CEP44: variants seen among roughly 807,000 people sequenced by gnomAD.
CEP44 encodes centrosomal protein 44.
Under a neutral mutation model 46.7 loss-of-function variants are expected in CEP44, and 45 were observed. That is an observed-to-expected ratio of 0.96 (90% CI 0.76 to 1.24). The LOEUF is 1.24. CEP44 is among the 50% of genes most tolerant of loss of function. CEP44 has a pLI of 0.00. For synonymous variants in CEP44, 142 were observed against 146.0 expected, an observed-to-expected ratio of 0.97 and a Z score of 0.20; for missense variants, 475 against 459.7, an observed-to-expected ratio of 1.03 and a Z score of -0.30.
intron 1 of CEP44, among the ~76,000 whole-genome samples, chr4:174,294,799 G>GGC (rs1738703542): frequency 7.0e-6 from 1 of 142,890 alleles, no homozygotes; most frequent in Non-Finnish European, 1.6e-5. Flanking sequence ...CTGGCCGGGT[G>GGC]GGGGGCTGAC....
rs1376897519 is a variant in CEP44, at chr4:174,331,918, T to G, written c.*323T>G. 2 of 232,888 alleles carry G rather than the reference T, an allele frequency of 8.6e-6. No homozygotes were observed. The highest frequency in any genetic ancestry group is 1.5e-4 in the South Asian group (1 of 6,472). 14.4% of individuals were successfully genotyped at this position (232,888 alleles called of 1,614,324 possible). ...GTGGAAGGTGAGAAAACACATGCTT[T>G]CTTAAAACAGAAGCTCTCTCCTTCA... On this transcript the variant is annotated 3_prime_UTR_variant, in exon 9 of 9. Transcript: ENST00000426172. The surrounding 1 kb of genome is among the most constrained non-coding windows in gnomAD (Gnocchi z 4.5).
chr4:174,310,489 G>C lies in CEP44; in HGVS notation c.886-294G>C, dbSNP rs528472086. Among the ~76,000 whole-genome samples the C allele has an allele frequency of 1.5e-3, 235 of 151,830 alleles. 1 individual carries two copies. The highest frequency in any genetic ancestry group is 5.3e-3 in the African/African-American group (219 of 41,460). ...TGTGAATTTCATAGAATAGTTACCA[G>C]ATTTACCATTGCCTTATCAAATCTG... On this transcript the variant is annotated intron_variant, in intron 8 of 11. Coordinates refer to ENST00000503780, the MANE Select transcript of CEP44 (RefSeq NM_001040157.3). The surrounding 1 kb of genome is among the most constrained non-coding windows in gnomAD (Gnocchi z 4.2).
intron 1 of CEP44, among the ~76,000 whole-genome samples, chr4:174,289,796 C>G (rs940365795): frequency 2.0e-5 from 3 of 149,160 alleles, no homozygotes; most frequent in Non-Finnish European, 4.5e-5. Context: ...TGTTCTTTTT[C>G]TAGTTCCTTG....
downstream of CEP44, among the ~76,000 whole-genome samples, chr4:174,320,684 C>CTGTGTGTGTGTGTGTA (rs1742236794): frequency 4.1e-5 from 6 of 147,412 alleles, no homozygotes; most frequent in Non-Finnish European, 7.5e-5. Flanking sequence ...TGAGTGTGCT[C>CTGTGTGTGTGTGTGTA]TGTGTGTGTG....
intron 11 of CEP44, among the ~76,000 whole-genome samples, chr4:174,316,992 T>A (rs1741805172): frequency 1.3e-5 from 2 of 151,908 alleles, no homozygotes; most frequent in African/African-American, 4.8e-5. Flanking sequence ...AAAAATGATG[T>A]TTTTGTCTAG....
intron 3 of CEP44, 41 bp downstream of exon 3, chr4:174,299,251 G>A (rs759244784): frequency 5.1e-5 from 78 of 1,517,036 alleles, no homozygotes; most frequent in Admixed American, 4.4e-4. Context: ...CTTCTTGCTA[G>A]TGATTTGAGA....
chr4:174,315,487 C>T (rs1741564104), intron 9 of CEP44, among the ~76,000 whole-genome samples: 1 of 151,892 alleles, frequency 6.6e-6, no homozygotes, highest in Non-Finnish European at 1.5e-5. Context: ...TAGAATGTTT[C>T]TTGATTTTTA....
At position 174,288,643 on chromosome 4, in the gene CEP44, T is replaced by G. The variant is rs1030594065; in HGVS notation, c.-148+4700T>G. On this transcript the variant is annotated intron_variant, in intron 1 of 11. Transcript: ENST00000503780. The surrounding 1 kb of genome is among the most constrained non-coding windows in gnomAD (Gnocchi z 4.6). ...AAGGCAAATTTGTTTATTCTCACAT[T>G]TTTGTTGGGGTCCCTAAGGTTTTCT... Among the ~76,000 whole-genome samples, 2 of 152,166 alleles carry G rather than the reference T, an allele frequency of 1.3e-5. No homozygotes were observed. Among genetic ancestry groups the G allele is most frequent in the African/African-American group, 4.8e-5 (2 of 41,460 alleles).
chr4:174,325,397 T>C lies in CEP44; in HGVS notation c.1087-6085T>C, dbSNP rs1742596207. Among the ~76,000 whole-genome samples the C allele has an allele frequency of 6.6e-6, 1 of 152,182 alleles. No homozygotes were observed. The highest frequency in any genetic ancestry group is 6.5e-5 in the Admixed American group (1 of 15,272). On this transcript the variant is annotated intron_variant, in intron 8 of 8. Transcript: ENST00000426172. This position sits in a 1 kb window ranked among gnomAD's most constrained non-coding sequence, Gnocchi z 4.4. ...AGCCATGTACAGTCACTCATGCCTG[T>C]AATTCCAGCACTTTGGGAGGCTGAG...
In CEP44 at chr4:174,304,306, T is replaced by C. The variant is rs1322008327; in HGVS notation, c.444T>C (p.Asn148=). 1.2e-6 allele frequency: 2 copies of C among 1,611,550 alleles called. No individual in the cohort carries two copies. Residue 148 remains asparagine, a synonymous_variant, in exon 6 of 12, where the codon AAT becomes AAC. Coordinates refer to ENST00000503780, the MANE Select transcript of CEP44 (RefSeq NM_001040157.3). ...GTAAGTCAGAACCTCCTTTGGGCAATGAGAAAATATCTGCAGAGGCTGTTG... is the reference window on the plus strand; with the variant it reads ...GTAAGTCAGAACCTCCTTTGGGCAACGAGAAAATATCTGCAGAGGCTGTTG... ...SSGKSEPPLG[N]EKISAEAVGV...
rs1279831778 is a variant in CEP44 at position 174,311,905 on chromosome 4, A to G, written c.961+1047A>G. ...GTTAAGTATAATTATTTGAGATGCT[A>G]TTTAAGGCAACTAAATTTATTATAG... On this transcript the variant is annotated intron_variant, in intron 9 of 11. Coordinates refer to ENST00000503780, the MANE Select transcript of CEP44 (RefSeq NM_001040157.3). This position sits in a 1 kb window ranked among gnomAD's most constrained non-coding sequence, Gnocchi z 4.4. Among the ~76,000 whole-genome samples the G allele has an allele frequency of 6.6e-6, 1 of 152,196 alleles. No individual in the cohort carries two copies. The highest frequency in any genetic ancestry group is 1.5e-5 in the Non-Finnish European group (1 of 68,030).
intron 1 of CEP44, among the ~76,000 whole-genome samples, chr4:174,293,514 A>T (rs1428541312): frequency 6.6e-6 from 1 of 152,186 alleles, no homozygotes; most frequent in African/African-American, 2.4e-5. Flanking sequence ...TCACATACAG[A>T]TCATTTACAT....
intron 2 of CEP44, 94 bp downstream of exon 2, chr4:174,298,156 G>A (rs932121481): frequency 3.4e-5 from 5 of 149,184 alleles, no homozygotes; most frequent in Non-Finnish European, 7.4e-5. Flanking sequence ...TTTTTGTCCT[G>A]GTGGGTATAT....
intron 1 of CEP44, among the ~76,000 whole-genome samples, chr4:174,295,163 G>A (rs1391462283): frequency 2.6e-5 from 4 of 151,996 alleles, no homozygotes; most frequent in East Asian, 2.0e-4. Context: ...GGTGGCTGCC[G>A]GGCAGAGACG....
Position 174,286,391 on chromosome 4 carries a change from C to A in CEP44, c.-148+2448C>A, listed in dbSNP as rs986013929. On this transcript the variant is annotated intron_variant, in intron 1 of 11. Coordinates refer to ENST00000503780, the MANE Select transcript of CEP44 (RefSeq NM_001040157.3). The surrounding 1 kb of genome is among the most constrained non-coding windows in gnomAD (Gnocchi z 5.2). Reference sequence around the variant, plus strand: ...AAAAGATCACACTAACCCAGCTTCACCTGATTTATGAATTGTTCTGTTTTC... The same window carrying A: ...AAAAGATCACACTAACCCAGCTTCAACTGATTTATGAATTGTTCTGTTTTC... Among the ~76,000 whole-genome samples the A allele has an allele frequency of 6.6e-6, 1 of 152,142 alleles. No homozygotes were observed. The highest frequency in any genetic ancestry group is 1.5e-5 in the Non-Finnish European group (1 of 68,012).
At chr4:174,295,386 G>A (rs563979562) in intron 1 of CEP44, among the ~76,000 whole-genome samples, 60 of 151,310 alleles carry the variant, frequency 4.0e-4, no homozygotes, top group East Asian at 2.8e-3. Context: ...CATCTTAGAC[G>A]ATGGGCGGCC....
chr4:174,296,135 G>T (rs1382429624), intron 1 of CEP44, among the ~76,000 whole-genome samples: 2 of 152,120 alleles, frequency 1.3e-5, no homozygotes, highest in Admixed American at 6.5e-5. Flanking sequence ...TTATCCTTTA[G>T]CTTCTAACAT....
intron 8 of CEP44, among the ~76,000 whole-genome samples, chr4:174,328,282 A>G (rs17060468): frequency 0.2 from 30,513 of 152,186 alleles, 3,196 homozygotes; most frequent in Middle Eastern, 0.34. Flanking sequence ...CTGGTTGGAT[A>G]ACGGAAAGAA....
rs935865625 is a variant in CEP44 at position 174,297,588 on chromosome 4, G to A, written c.-147-378G>A. ...TCTCTAGCATAGAACCTGATAGTCT[G>A]CTGTCACAGAGGATGTAAGTCTAAC... On this transcript the variant is annotated intron_variant, in intron 1 of 11. Transcript: ENST00000503780. The surrounding 1 kb of genome is among the most constrained non-coding windows in gnomAD (Gnocchi z 4.3). Among the ~76,000 whole-genome samples, 4 of 152,138 alleles carry A rather than the reference G, an allele frequency of 2.6e-5. No individual in the cohort carries two copies. Among genetic ancestry groups the A allele is most frequent in the African/African-American group, 9.6e-5 (4 of 41,490 alleles).
Sources: gnomAD v4.1 joint callset for allele counts (sites outside exome capture counted in the v4.1 genomes callset) on GRCh38, gnomAD v4.1.1 for gene constraint, Gnocchi (gnomAD v3.1) non-coding constraint, MANE v1.5 for transcripts, NCBI Gene and HGNC (gene_info 2026-07-23, HGNC 2026-07-21) for gene names.